PCLO: variants seen among roughly 807,000 people sequenced by gnomAD.
PCLO encodes the protein protein piccolo.
Under a neutral mutation model 427.5 loss-of-function variants are expected in PCLO, and 82 were observed. The ratio of observed to expected loss-of-function variants is 0.19; its 90% CI spans 0.16 to 0.23. PCLO has a LOEUF of 0.23. Among genes scored for constraint, PCLO ranks in the 10% least tolerant of loss-of-function variants. The pLI is 1.00. For synonymous variants in PCLO, 2,357 were observed against 2,155.4 expected (o/e 1.09, Z -2.59); for missense variants, 6,239 against 6,115.9 (o/e 1.02, Z -0.67).
At chr7:82,889,021 G>C (rs1442272946) in intron 9 of PCLO, among the ~76,000 whole-genome samples, 2 of 147,088 alleles carry the variant, frequency 1.4e-5, no homozygotes, top group South Asian at 2.4e-4. Flanking sequence ...CTTTATCAAG[G>C]GGGTGAGGGG....
rs1020656135 is a variant in PCLO at position 83,067,510 on chromosome 7, G to C, written c.3300+66740C>G. On this transcript the variant is annotated intron_variant, in intron 3 of 24. Transcript: ENST00000333891. ...TGACTAGTATTGTAATAAAGACAAA[G>C]AGTACAGTAGCAAGAGGGTTCTTCA... Among the ~76,000 whole-genome samples the C allele has an allele frequency of 9.2e-5, 14 of 152,010 alleles. 1 individual carries two copies. The highest frequency in any genetic ancestry group is 1.5e-4 in the Non-Finnish European group (10 of 67,996).
rs1041544463 is a variant in PCLO at position 82,895,396 on chromosome 7, C to G, written c.13528+7255G>C. Among the ~76,000 whole-genome samples, 22 of 151,936 alleles carry G rather than the reference C, an allele frequency of 1.4e-4. 1 individual carries two copies. The highest frequency in any genetic ancestry group is 5.3e-4 in the African/African-American group (22 of 41,516). On this transcript the variant is annotated intron_variant, in intron 9 of 24. Coordinates refer to ENST00000333891, the MANE Select transcript of PCLO (RefSeq NM_033026.6). ...GAAAGCTCTCCAACTAATAAACTAA[C>G]TTTTCACCTTAAGAATCTAGGAGAA...
intron 6 of PCLO, among the ~76,000 whole-genome samples, chr7:82,948,157 T>C (rs73385987): frequency 0.072 from 10,910 of 152,088 alleles, 1,321 homozygotes; most frequent in African/African-American, 0.25. Context: ...GATTAAATTC[T>C]GGAAACAACA....
intron 3 of PCLO, among the ~76,000 whole-genome samples, chr7:83,049,094 T>G (rs559081479): frequency 6.6e-6 from 1 of 152,236 alleles, no homozygotes; most frequent in Admixed American, 6.6e-5. Context: ...TTCACTAAAC[T>G]AATTGCTCCT....
Position 83,038,025 on chromosome 7 carries a change from A to ATATATATT in PCLO, c.3301-71539_3301-71538insAATATATA, listed in dbSNP as rs1562932933. On this transcript the variant is annotated intron_variant, in intron 3 of 24. Transcript: ENST00000333891. Reference sequence around the variant, plus strand: ...TATATATATATATATATATATATATATATATTTATATATTTATATATATAT... The same window carrying ATATATATT: ...TATATATATATATATATATATATATATATATATTTATATTTATATATTTATATATATAT... Among the ~76,000 whole-genome samples the ATATATATT allele has an allele frequency of 1.2e-4, 6 of 49,088 alleles. 1 individual carries two copies. The highest frequency in any genetic ancestry group is 4.6e-4 in the African/African-American group (3 of 6,568). 32.2% of individuals were successfully genotyped at this position (49,088 alleles called of 152,430 possible). A position where few individuals can be genotyped will look rare whatever the true frequency, so the allele number is the denominator to read the frequency against.
At chr7:83,003,789 T>A (rs960487688) in intron 3 of PCLO, among the ~76,000 whole-genome samples, 5 of 151,814 alleles carry the variant, frequency 3.3e-5, no homozygotes, top group African/African-American at 1.2e-4. Flanking sequence ...ACCAGGAATA[T>A]TGGCCTGAGT....
intron 3 of PCLO, among the ~76,000 whole-genome samples, chr7:83,093,472 G>GTGTGTGTATATATATA (rs745824155): frequency 1.0e-5 from 1 of 99,196 alleles, no homozygotes; most frequent in East Asian, 3.9e-4. Flanking sequence ...ATGTGTGTGT[G>GTGTGTGTATATATATA]TATAGATATA....
rs192815873 is a variant in PCLO, at chr7:82,831,638, A to G, written c.14250-3672T>C. On this transcript the variant is annotated intron_variant, in intron 16 of 24. Coordinates refer to ENST00000333891, the MANE Select transcript of PCLO (RefSeq NM_033026.6). ...TTTAGAAATAACCTAAACTGATTGG[A>G]CAAAAGTTAAAATGTTCATTTTAAT... Among the ~76,000 whole-genome samples, 12 of 152,282 alleles carry G rather than the reference A, an allele frequency of 7.9e-5. No individual in the cohort carries two copies. In the East Asian group the frequency reaches 1.4e-3, roughly 17 times the overall value.
intron 15 of PCLO, among the ~76,000 whole-genome samples, chr7:82,837,484 T>C (rs1232723823): frequency 6.6e-6 from 1 of 152,068 alleles, no homozygotes; most frequent in East Asian, 1.9e-4. Flanking sequence ...ATTTGGCTGA[T>C]ATGAATTGCT....
chr7:82,994,562 AT>A (rs1173924029), intron 3 of PCLO, among the ~76,000 whole-genome samples: 1 of 151,808 alleles, frequency 6.6e-6, no homozygotes, highest in African/African-American at 2.4e-5. Flanking sequence ...AAATGACTTG[AT>A]CAGATAATTA....
At chr7:82,829,037 T>G (rs933593533) in intron 16 of PCLO, among the ~76,000 whole-genome samples, 16 of 152,102 alleles carry the variant, frequency 1.1e-4, no homozygotes, top group African/African-American at 3.6e-4. Flanking sequence ...CTTGCTACAT[T>G]CCTGGTCTCA....
chr7:82,995,524 A>G (rs1763531009), intron 3 of PCLO, among the ~76,000 whole-genome samples: 1 of 152,016 alleles, frequency 6.6e-6, no homozygotes, highest in African/African-American at 2.4e-5. Context: ...ATAAAACACA[A>G]GTAGCTCTTC....
At chr7:83,079,529 A>ATGG (rs66869580) in intron 3 of PCLO, among the ~76,000 whole-genome samples, 27 of 80,644 alleles carry the variant, frequency 3.3e-4, no homozygotes, top group African/African-American at 1.8e-3. Flanking sequence ...TTTTCTAAAT[A>ATGG]TTTTGTTTGA....
intron 10 of PCLO, among the ~76,000 whole-genome samples, chr7:82,858,590 C>T (rs917256001): frequency 3.3e-5 from 5 of 152,000 alleles, no homozygotes; most frequent in African/African-American, 7.2e-5. Flanking sequence ...AATTAATAAA[C>T]AAATTCAGTA....
chr7:82,786,790 T>G (rs1790994156), intron 22 of PCLO, among the ~76,000 whole-genome samples: 1 of 152,218 alleles, frequency 6.6e-6, no homozygotes, highest in South Asian at 2.1e-4. Flanking sequence ...CCACCCTGTG[T>G]ACATGTGTTC....
chr7:82,802,327 T>C (rs989696713), intron 21 of PCLO, among the ~76,000 whole-genome samples: 2 of 152,132 alleles, frequency 1.3e-5, no homozygotes, highest in African/African-American at 2.4e-5. Flanking sequence ...AAGCATTCAA[T>C]AAACATGACA....
Position 83,058,932 on chromosome 7 carries a change from C to T in PCLO, c.3300+75318G>A, listed in dbSNP as rs538370835. On this transcript the variant is annotated intron_variant, in intron 3 of 24. Transcript: ENST00000333891. Reference sequence around the variant, plus strand: ...ATTCATTTGAGCAAAATTACTATTCCTTCCTTAATAAATGGCAGTCCTCTC... The same window carrying T: ...ATTCATTTGAGCAAAATTACTATTCTTTCCTTAATAAATGGCAGTCCTCTC... 9.9e-5 allele frequency among the ~76,000 whole-genome samples: 15 copies of T among 151,980 alleles called. No homozygotes were observed. The South Asian group carries it at 2.9e-3, about 30-fold the overall frequency.
chr7:83,012,646 G>T (rs910140563), intron 3 of PCLO, among the ~76,000 whole-genome samples: 1 of 86,660 alleles, frequency 1.2e-5, no homozygotes, highest in Non-Finnish European at 2.4e-5. Context: ...AAAAAAAAAA[G>T]CCAGAAGCCC....
intron 1 of PCLO, among the ~76,000 whole-genome samples, chr7:83,158,117 C>T (rs1792345451): frequency 1.3e-5 from 2 of 151,954 alleles, no homozygotes; most frequent in Admixed American, 1.3e-4. Flanking sequence ...AAGTGATTTT[C>T]TGGTAAAAGA....
Sources: gnomAD v4.1 joint callset for allele counts (sites outside exome capture counted in the v4.1 genomes callset) on GRCh38, gnomAD v4.1.1 for gene constraint, MANE v1.5 for transcripts, NCBI Gene and HGNC (gene_info 2026-07-23, HGNC 2026-07-21) for gene names.